GALNT16: variants seen among roughly 807,000 people sequenced by gnomAD.
GALNT16 encodes polypeptide N-acetylgalactosaminyltransferase 16.
A neutral mutation model predicts 76.1 loss-of-function variants in GALNT16; 40 were observed. The observed-to-expected ratio is 0.53, with a 90% CI of 0.41 to 0.68. The LOEUF (loss-of-function observed/expected upper bound fraction) is 0.68, where lower values mean the gene tolerates loss of function less well. Ranked by LOEUF, GALNT16 falls within the 30% of genes least tolerant of loss-of-function variation. The pLI is 0.00. For synonymous variants in GALNT16, 276 were observed against 285.2 expected (o/e 0.97, Z 0.32); for missense variants, 621 against 731.9 (o/e 0.85, Z 1.75).
At position 69,325,937 on chromosome 14, in the gene GALNT16, C is replaced by A. The variant is rs1275391312; in HGVS notation, c.503-25C>A. 1.9e-6 allele frequency: 3 copies of A among 1,602,744 alleles called. No homozygotes were observed. The African/African-American group carries it at 4.0e-5, about 21-fold the overall frequency. On this transcript the variant is annotated intron_variant, in intron 4 of 14. Coordinates refer to ENST00000448469, the MANE Select transcript of GALNT16 (RefSeq NM_001168368.2). ...GGCCTGATGCCCATGTCTAAATGAG[C>A]TTGCCTTCCTCTTTGCATCCTCAGC...
In GALNT16 at chr14:69,347,860, T is replaced by C. The variant is rs752047155; in HGVS notation, c.1414-17T>C. 1.2e-6 allele frequency: 2 copies of C among 1,612,036 alleles called. No individual in the cohort carries two copies. Among genetic ancestry groups the C allele is most frequent in the East Asian group, 4.5e-5 (2 of 44,886 alleles). On this transcript the variant is annotated splice_polypyrimidine_tract_variant and intron_variant, in intron 13 of 14. Coordinates refer to ENST00000448469, the MANE Select transcript of GALNT16 (RefSeq NM_001168368.2). Reference sequence around the variant, plus strand: ...GCTGTACTTTTTGACTTGGCCTTTCTGCTCCCTGCCTTGCAGGCATGGCTG... The same window carrying C: ...GCTGTACTTTTTGACTTGGCCTTTCCGCTCCCTGCCTTGCAGGCATGGCTG...
At position 69,344,005 on chromosome 14, in the gene GALNT16, G is replaced by C. The variant is rs117378216; in HGVS notation, c.1271+2241G>C. Among the ~76,000 whole-genome samples, 56 of 152,328 alleles carry C rather than the reference G, an allele frequency of 3.7e-4. No homozygotes were observed. The East Asian group carries it at 9.1e-3, about 25-fold the overall frequency. ...TTCCTGTCTGGATTACTCACCCCCA[G>C]TTCCTAGGCTGAGGGGCCAGGAGTG... On this transcript the variant is annotated intron_variant, in intron 12 of 14. Coordinates refer to ENST00000448469, the MANE Select transcript of GALNT16 (RefSeq NM_001168368.2).
the GALNT16 span, among the ~76,000 whole-genome samples, chr14:69,381,417 A>G: frequency 3.9e-5 from 6 of 152,220 alleles, no homozygotes; most frequent in African/African-American, 1.4e-4. Context: ...TCTTAAACCT[A>G]TATTTTAGGA....
intron 3 of GALNT16, 143 bp downstream of exon 3, chr14:69,324,933 A>G (rs367923661): frequency 1.7e-5 from 10 of 578,170 alleles, no homozygotes; most frequent in African/African-American, 1.3e-4. Context: ...CTGGTGAATC[A>G]GGGCCAGGAA....
In GALNT16 at chr14:69,353,724, TG is replaced by T. The variant is rs1317294580; in HGVS notation, c.*1560del. ...ATGTGTGTGCATACATGCATTTTCC[TG>T]GGGAAAAAGTCCATGGCTTCTAAAA... On this transcript the variant is annotated 3_prime_UTR_variant, in exon 15 of 15. Transcript: ENST00000448469. The T allele has an allele frequency of 6.6e-6, 1 of 152,222 alleles. No individual in the cohort carries two copies. The highest frequency in any genetic ancestry group is 1.5e-5 in the Non-Finnish European group (1 of 68,062). The allele number at this position is 152,222 out of a possible 1,614,324, so 9.4% of individuals were successfully genotyped here. A position where few individuals can be genotyped will look rare whatever the true frequency, so the allele number is the denominator to read the frequency against.
At chr14:69,288,874 T>C (rs1434751486) in intron 1 of GALNT16, among the ~76,000 whole-genome samples, 1 of 152,108 alleles carries the variant, frequency 6.6e-6, no homozygotes, top group Non-Finnish European at 1.5e-5. Flanking sequence ...AGCGAGTGGA[T>C]AGAAGTCTTC....
At chr14:69,306,365 T>G (rs2044933802) in intron 1 of GALNT16, among the ~76,000 whole-genome samples, 1 of 152,206 alleles carries the variant, frequency 6.6e-6, no homozygotes, top group Admixed American at 6.5e-5. Flanking sequence ...CCCCTAAAAT[T>G]GAATCACATG....
chr14:69,348,004 T>C lies in GALNT16; in HGVS notation c.1539+2T>C, dbSNP rs971371163. The C allele has an allele frequency of 6.2e-7, 1 of 1,613,890 alleles. No individual in the cohort carries two copies. Among genetic ancestry groups the C allele is most frequent in the Non-Finnish European group, 8.5e-7 (1 of 1,179,914 alleles). Reference sequence around the variant, plus strand: ...TGCAACCCTAGAGAAGGCAAGCAGGTGAGTCTCCTTGCCTCTGGCCCAGAG... The same window carrying C: ...TGCAACCCTAGAGAAGGCAAGCAGGCGAGTCTCCTTGCCTCTGGCCCAGAG... On this transcript the variant is annotated splice_donor_variant, in intron 14 of 14. Coordinates refer to ENST00000448469, the MANE Select transcript of GALNT16 (RefSeq NM_001168368.2). LOFTEE classifies it high-confidence loss of function.
the GALNT16 span, among the ~76,000 whole-genome samples, chr14:69,373,109 A>G: frequency 6.6e-6 from 1 of 152,192 alleles, no homozygotes; most frequent in African/African-American, 2.4e-5. Flanking sequence ...TACTCTTCAA[A>G]CTACTCACCA....
intron 14 of GALNT16, chr14:69,351,591 C>G (rs1008566999): frequency 6.5e-6 from 1 of 154,306 alleles, no homozygotes; most frequent in African/African-American, 2.4e-5. Flanking sequence ...CAGCCTCTTA[C>G]ATAGGAACAC....
At chr14:69,358,320 C>T (rs2045705150), downstream of GALNT16, 1 of 152,420 alleles carries the variant, frequency 6.6e-6, no homozygotes, top group African/African-American at 2.4e-5. Context: ...TGCTCCTCTC[C>T]CCGTGGGTGG....
the GALNT16 span, among the ~76,000 whole-genome samples, chr14:69,375,345 T>C: frequency 6.6e-6 from 1 of 152,242 alleles, no homozygotes; most frequent in Admixed American, 6.5e-5. Context: ...TGATCCAGTC[T>C]GACAATCCGA....
At chr14:69,266,226 GA>G (rs569956875) in intron 1 of GALNT16, among the ~76,000 whole-genome samples, 9 of 152,142 alleles carry the variant, frequency 5.9e-5, no homozygotes, top group South Asian at 2.1e-4. Flanking sequence ...ATTCGATGGG[GA>G]AAAAAATGCA....
At chr14:69,337,006 C>T (rs1006968278) in intron 9 of GALNT16, among the ~76,000 whole-genome samples, 1 of 152,200 alleles carries the variant, frequency 6.6e-6, no homozygotes, top group Non-Finnish European at 1.5e-5. Flanking sequence ...AGATCACAGG[C>T]GTGAACCACC....
At position 69,353,089 on chromosome 14, in the gene GALNT16, G is replaced by A. The variant is rs1240351212; in HGVS notation, c.*921G>A. Among the ~76,000 whole-genome samples, 1 of 152,170 alleles carries A rather than the reference G, an allele frequency of 6.6e-6. No individual in the cohort carries two copies. The highest frequency in any genetic ancestry group is 2.4e-5 in the African/African-American group (1 of 41,438). The stretch of plus-strand genomic sequence containing the variant: ...CCGCCAGGACCCACTGAAAGGACGG[G>A]TAGCCACACACATCCCTGAGTAGTC... On this transcript the variant is annotated 3_prime_UTR_variant, in exon 15 of 15. Coordinates refer to ENST00000448469, the MANE Select transcript of GALNT16 (RefSeq NM_001168368.2).
intron 1 of GALNT16, among the ~76,000 whole-genome samples, chr14:69,290,857 A>G (rs2044679247): frequency 1.3e-5 from 2 of 152,232 alleles, no homozygotes; most frequent in Admixed American, 6.5e-5. Context: ...GACAACAGTT[A>G]AACTGTGTTA....
rs2045378107 is a variant in GALNT16, at chr14:69,333,239, G to A, written c.863+70G>A. On this transcript the variant is annotated intron_variant, in intron 8 of 14. Coordinates refer to ENST00000448469, the MANE Select transcript of GALNT16 (RefSeq NM_001168368.2). The surrounding 1 kb of genome is among the most constrained non-coding windows in gnomAD (Gnocchi z 4.2). ...TCAGGGGCCTGGGAGGCTCTTGGGA[G>A]GCTGTATCGGTCGCTTGGGCTCCTG... 1 of 1,090,946 alleles carries A rather than the reference G, an allele frequency of 9.2e-7. No homozygotes were observed. Among genetic ancestry groups the A allele is most frequent in the Non-Finnish European group, 1.4e-6 (1 of 740,722 alleles). The allele number at this position is 1,090,946 out of a possible 1,614,324, so 67.6% of individuals were successfully genotyped here. A position where few individuals can be genotyped will look rare whatever the true frequency, so the allele number is the denominator to read the frequency against.
At chr14:69,327,830 C>A (rs2045304818) in intron 5 of GALNT16, among the ~76,000 whole-genome samples, 1 of 152,200 alleles carries the variant, frequency 6.6e-6, no homozygotes, top group African/African-American at 2.4e-5. Context: ...GCTGGTGAGG[C>A]TATCGGGGGA....
At chr14:69,319,140 C>T (rs551600935) in intron 1 of GALNT16, among the ~76,000 whole-genome samples, 1 of 152,362 alleles carries the variant, frequency 6.6e-6, no homozygotes, top group East Asian at 1.9e-4. Context: ...GACACGAGGA[C>T]ATCTCCCTCA....
Sources: allele counts gnomAD v4.1 joint callset (sites outside exome capture counted in the v4.1 genomes callset), GRCh38; gene constraint gnomAD v4.1.1; non-coding constraint Gnocchi (gnomAD v3.1); transcripts MANE v1.5; gene names NCBI Gene and HGNC (gene_info 2026-07-23, HGNC 2026-07-21).